Variants in PTPRM observed in about 807,000 individuals in gnomAD.
PTPRM encodes the protein protein tyrosine phosphatase receptor type M, also known as receptor-type tyrosine-protein phosphatase mu.
In PTPRM, 47 loss-of-function variants were observed where a neutral mutation model predicts 186.7. That is an observed-to-expected ratio of 0.25 (90% CI 0.20 to 0.32). The LOEUF is 0.32. PTPRM is among the 10% of genes least tolerant of loss of function. The probability of loss-of-function intolerance (pLI) is 1.00; values close to 1 mark genes in which losing one functional copy is unlikely to be tolerated. For missense variants in PTPRM, 1,494 were observed against 1,865.0 expected (o/e 0.80, Z 3.66); for synonymous variants, 668 against 674.9 (o/e 0.99, Z 0.16).
chr18:7,649,306 C>T lies in PTPRM; in HGVS notation c.73+81415C>T, dbSNP rs534267507. On this transcript the variant is annotated intron_variant, in intron 1 of 32. Coordinates refer to ENST00000580170, the MANE Select transcript of PTPRM (RefSeq NM_001105244.2). ...GAGATGTACAAGGAGATTAATGTTG[C>T]TTTCATGCCTGCTAACACAGCATCC... Among the ~76,000 whole-genome samples the T allele has an allele frequency of 2.4e-4, 37 of 152,326 alleles. 1 individual carries two copies. Among genetic ancestry groups the T allele is most frequent in the Non-Finnish European group, 1.5e-4 (10 of 68,022 alleles).
At chr18:7,772,406 T>TCTTC in intron 1 of PTPRM, among the ~76,000 whole-genome samples, 1 of 136,802 alleles carries the variant, frequency 7.3e-6, no homozygotes, top group Admixed American at 8.1e-5. Flanking sequence ...TTTCTTTCTT[T>TCTTC]CTTTCTTTTC....
Position 8,256,929 on chromosome 18 carries a change from A to C in PTPRM, c.2754+3515A>C, listed in dbSNP as rs2094580128. ...GGTTGCTGCATTGGTGTCTTTGGCA[A>C]AGTAGGATTTGGGGAAGAGTTTAAT... On this transcript the variant is annotated intron_variant, in intron 19 of 32. Coordinates refer to ENST00000580170, the MANE Select transcript of PTPRM (RefSeq NM_001105244.2). 2.0e-5 allele frequency among the ~76,000 whole-genome samples: 3 copies of C among 152,208 alleles called. No individual in the cohort carries two copies. The East Asian group carries it at 5.8e-4, about 29-fold the overall frequency.
chr18:8,254,432 T>A (rs1453461715), intron 19 of PTPRM, among the ~76,000 whole-genome samples: 1 of 152,180 alleles, frequency 6.6e-6, no homozygotes, highest in East Asian at 1.9e-4. Context: ...GGATTGCTTT[T>A]TTATGTTATT....
At chr18:8,271,978 G>A (rs796883310) in intron 19 of PTPRM, among the ~76,000 whole-genome samples, 10 of 152,016 alleles carry the variant, frequency 6.6e-5, no homozygotes, top group African/African-American at 2.2e-4. Flanking sequence ...CTGGGAGGCC[G>A]AGGCAGGCGG....
chr18:8,387,747 TGCGTGTGTGC>T (rs2095786532), intron 31 of PTPRM, among the ~76,000 whole-genome samples: 1 of 95,322 alleles, frequency 1.0e-5, no homozygotes, highest in Non-Finnish European at 2.2e-5. Flanking sequence ...TGTGTGTGTG[TGCGTGTGTGC>T]GTGTGTGTGC....
chr18:8,384,875 G>C (rs1012032036), intron 30 of PTPRM, among the ~76,000 whole-genome samples, 189 bp downstream of exon 30: 1 of 152,182 alleles, frequency 6.6e-6, no homozygotes, highest in East Asian at 1.9e-4. Context: ...AGAAAGTAAT[G>C]ATACTTATTA....
At chr18:7,816,830 A>G (rs1300824199) in intron 2 of PTPRM, among the ~76,000 whole-genome samples, 1 of 152,226 alleles carries the variant, frequency 6.6e-6, no homozygotes, top group East Asian at 1.9e-4. Flanking sequence ...TCATCATTAC[A>G]ATGATCAGTA....
chr18:7,615,443 G>C (rs916294717), intron 1 of PTPRM, among the ~76,000 whole-genome samples: 1 of 152,082 alleles, frequency 6.6e-6, no homozygotes, highest in Admixed American at 6.5e-5. Flanking sequence ...AGTGTAGCTG[G>C]CTCTCCGAAA....
intron 7 of PTPRM, among the ~76,000 whole-genome samples, chr18:8,002,534 C>G (rs959582360): frequency 6.6e-6 from 1 of 152,078 alleles, no homozygotes; most frequent in Admixed American, 6.6e-5. Context: ...AGATGGGGAC[C>G]CTGTTTTCTC....
intron 7 of PTPRM, among the ~76,000 whole-genome samples, chr18:7,984,219 G>A (rs879296795): frequency 5.3e-5 from 8 of 152,008 alleles, no homozygotes; most frequent in Admixed American, 4.6e-4. Context: ...CCTTCTTGAG[G>A]GCATTAGAGT....
At chr18:7,742,282 C>G (rs1455812333) in intron 1 of PTPRM, among the ~76,000 whole-genome samples, 2 of 152,092 alleles carry the variant, frequency 1.3e-5, no homozygotes, top group Admixed American at 1.3e-4. Flanking sequence ...AAAAAGTAGT[C>G]CAACACAGAA....
At chr18:8,273,158 G>A (rs2147648219) in intron 19 of PTPRM, among the ~76,000 whole-genome samples, 1 of 152,120 alleles carries the variant, frequency 6.6e-6, no homozygotes, top group South Asian at 2.1e-4. Context: ...ATTCTACCAT[G>A]TTACCACTTA....
In PTPRM at chr18:7,863,901, G is replaced by A. The variant is rs1387499647; in HGVS notation, c.197-24205G>A. ...TTTAATGGTCACCATTGTAACTGGC[G>A]TGAGATGGTATCTCATTGTGGTTTT... On this transcript the variant is annotated intron_variant, in intron 2 of 32. Coordinates refer to ENST00000580170, the MANE Select transcript of PTPRM (RefSeq NM_001105244.2). 5.3e-5 allele frequency among the ~76,000 whole-genome samples: 8 copies of A among 152,176 alleles called. No individual in the cohort carries two copies. The South Asian group carries it at 6.3e-4, about 12-fold the overall frequency.
chr18:8,312,948 C>T (rs2095280535), intron 20 of PTPRM, among the ~76,000 whole-genome samples: 1 of 152,234 alleles, frequency 6.6e-6, no homozygotes, highest in Non-Finnish European at 1.5e-5. Flanking sequence ...CACCGATTTC[C>T]TTCTGCCTGT....
intron 13 of PTPRM, among the ~76,000 whole-genome samples, chr18:8,128,798 T>A (rs1008499924): frequency 2.6e-5 from 4 of 152,204 alleles, no homozygotes; most frequent in African/African-American, 9.6e-5. Context: ...ATTTTCCATT[T>A]GTATTATGTA....
intron 2 of PTPRM, among the ~76,000 whole-genome samples, chr18:7,786,547 T>C (rs982402770): frequency 2.0e-5 from 3 of 152,358 alleles, no homozygotes; most frequent in Admixed American, 6.5e-5. Flanking sequence ...AGGTGCAGAC[T>C]AGGTTTGATC....
intron 7 of PTPRM, among the ~76,000 whole-genome samples, chr18:8,017,538 G>A (rs767231654): frequency 1.6e-4 from 21 of 132,182 alleles, no homozygotes; most frequent in Non-Finnish European, 2.8e-4. Flanking sequence ...AGCCGAGATC[G>A]TGCAACTGCA....
At chr18:7,738,823 C>T (rs1193517180) in intron 1 of PTPRM, among the ~76,000 whole-genome samples, 1 of 152,136 alleles carries the variant, frequency 6.6e-6, no homozygotes, top group Non-Finnish European at 1.5e-5. Context: ...TTTCTGTTGG[C>T]CAATGCCGGC....
chr18:7,828,883 G>A (rs2045622894), intron 2 of PTPRM, among the ~76,000 whole-genome samples: 2 of 152,048 alleles, frequency 1.3e-5, no homozygotes, highest in South Asian at 2.1e-4. Flanking sequence ...AGATAAAAAC[G>A]TTTACACAAA....
Sources: gnomAD v4.1 joint callset for allele counts (sites outside exome capture counted in the v4.1 genomes callset) on GRCh38, gnomAD v4.1.1 for gene constraint, MANE v1.5 for transcripts, NCBI Gene and HGNC (gene_info 2026-07-23, HGNC 2026-07-21) for gene names.